Variants in NVL observed in about 807,000 individuals in gnomAD.
The protein encoded by NVL is nuclear VCP like.
NVL carries 84 observed loss-of-function variants against 110.2 expected under a neutral mutation model. The ratio of observed to expected loss-of-function variants is 0.76; its 90% CI spans 0.64 to 0.91. The LOEUF is 0.91. NVL is among the 40% of genes least tolerant of loss of function. The pLI is 0.00. For missense variants in NVL, 882 were observed against 1,035.9 expected (o/e 0.85, Z 2.04); for synonymous variants, 354 against 361.1 (o/e 0.98, Z 0.22).
chr1:224,259,822 C>CTT (rs60297397), intron 18 of NVL, among the ~76,000 whole-genome samples: 7,206 of 135,214 alleles, frequency 0.053, 613 homozygotes, highest in African/African-American at 0.18. Flanking sequence ...ACCCAGCTAA[C>CTT]TTTTTTTTTT....
intron 20 of NVL, among the ~76,000 whole-genome samples, chr1:224,235,553 C>T (rs996586427): frequency 3.9e-5 from 6 of 152,004 alleles, no homozygotes; most frequent in African/African-American, 1.5e-4. Flanking sequence ...GAGGCATTTA[C>T]ATCTGCCCCT....
At chr1:224,303,901 T>C in intron 8 of NVL, 44 bp from the exon 9 acceptor site, 2 of 1,555,494 alleles carry the variant, frequency 1.3e-6, no homozygotes, top group East Asian at 4.7e-5. Context: ...GACAGAACAA[T>C]CAAAGTAGAA....
chr1:224,299,057 G>A (rs1031186926), intron 10 of NVL, among the ~76,000 whole-genome samples: 1 of 152,212 alleles, frequency 6.6e-6, no homozygotes, highest in African/African-American at 2.4e-5. Flanking sequence ...AGGAGTGACA[G>A]TGATTATGCT....
chr1:224,290,286 A>G (rs776371968), intron 12 of NVL, among the ~76,000 whole-genome samples: 9 of 152,246 alleles, frequency 5.9e-5, no homozygotes, highest in Non-Finnish European at 1.2e-4. Flanking sequence ...CTGGACTTCT[A>G]GATAATTGTT....
At chr1:224,303,667 A>G (rs1668633338) in intron 9 of NVL, 56 bp downstream of exon 9, 3 of 1,573,854 alleles carry the variant, frequency 1.9e-6, no homozygotes, top group Admixed American at 1.8e-5. Context: ...AGAAAAAACA[A>G]AAACAAATAA....
chr1:224,227,885 G>A, intron 22 of NVL: 1 of 306,246 alleles, frequency 3.3e-6, no homozygotes, highest in Admixed American at 4.8e-5. Flanking sequence ...AAAAAGAGGG[G>A]ATTAGGGCAC....
At chr1:224,312,096 G>T (rs979361738) in intron 4 of NVL, 16 of 379,410 alleles carry the variant, frequency 4.2e-5, no homozygotes, top group Admixed American at 4.0e-4. Context: ...GTCTCCCAGG[G>T]TTATTAAAGG....
At chr1:224,313,158 C>CAAAA (rs760756328) in intron 4 of NVL, 15 of 79,154 alleles carry the variant, frequency 1.9e-4, no homozygotes, top group East Asian at 7.5e-4. Flanking sequence ...GACGCTGTCT[C>CAAAA]AAAAAAAAAA....
At chr1:224,324,626 G>T (rs1670961796) in intron 2 of NVL, among the ~76,000 whole-genome samples, 1 of 152,080 alleles carries the variant, frequency 6.6e-6, no homozygotes, top group Admixed American at 6.6e-5. Flanking sequence ...TAGAGATGGG[G>T]TCTCACTATG....
chr1:224,304,994 G>A, intron 7 of NVL, 40 bp downstream of exon 7: 8 of 1,605,674 alleles, frequency 5.0e-6, no homozygotes, highest in Non-Finnish European at 6.8e-6. Flanking sequence ...TTCTCTCACT[G>A]CAAACATGAC....
chr1:224,288,568 A>G (rs1667083770), intron 13 of NVL, among the ~76,000 whole-genome samples: 1 of 152,174 alleles, frequency 6.6e-6, no homozygotes, highest in African/African-American at 2.4e-5. Flanking sequence ...AATATTATAA[A>G]AGGAATGAGT....
At chr1:224,253,891 T>C (rs1662839687) in intron 18 of NVL, among the ~76,000 whole-genome samples, 1 of 152,178 alleles carries the variant, frequency 6.6e-6, no homozygotes, top group African/African-American at 2.4e-5. Flanking sequence ...TTAGTTATTC[T>C]AAGGTTTGTA....
At chr1:224,316,701 G>A (rs1300198857) in intron 4 of NVL, among the ~76,000 whole-genome samples, 1 of 149,824 alleles carries the variant, frequency 6.7e-6, no homozygotes, top group African/African-American at 2.5e-5. Context: ...AGTTTGCCTA[G>A]AAGCAGGGGT....
intron 2 of NVL, 119 bp from the exon 3 acceptor site, chr1:224,318,049 T>G: frequency 1.7e-6 from 1 of 601,558 alleles, no homozygotes; most frequent in Non-Finnish European, 2.8e-6. Flanking sequence ...GTATAGACAC[T>G]TGCCATAACC....
At chr1:224,258,619 A>C (rs1445451324) in intron 18 of NVL, among the ~76,000 whole-genome samples, 3 of 152,230 alleles carry the variant, frequency 2.0e-5, no homozygotes, top group Admixed American at 6.5e-5. Flanking sequence ...AGCATTATTC[A>C]TAATAGCCAA....
chr1:224,290,569 G>A (rs570717281), intron 12 of NVL, among the ~76,000 whole-genome samples: 38 of 152,190 alleles, frequency 2.5e-4, no homozygotes, highest in East Asian at 2.1e-3. Flanking sequence ...TTGGGAGGCC[G>A]AGGCAGGCAG....
chr1:224,295,794 A>G (rs1224105142), intron 11 of NVL, among the ~76,000 whole-genome samples: 1 of 151,392 alleles, frequency 6.6e-6, no homozygotes, highest in Non-Finnish European at 1.5e-5. Flanking sequence ...CCTGGCCAAC[A>G]TGGAAACACC....
At chr1:224,304,513 A>G (rs1364060669) in intron 8 of NVL, among the ~76,000 whole-genome samples, 2 of 152,182 alleles carry the variant, frequency 1.3e-5, no homozygotes, top group South Asian at 4.1e-4. Context: ...CTTATAAAGC[A>G]TGGATCTTAT....
In NVL at chr1:224,250,287, G is replaced by GC; in HGVS notation, c.2213dup (p.Arg739ProfsTer44). ...CCACAAACAGTGTTTTGTCCAGGCG[G>GC]CCCGGGCGCAGGATTGCAGGGTCAA... On this transcript the variant is annotated frameshift_variant, in exon 19 of 23. Transcript: ENST00000281701. LOFTEE classifies it high-confidence loss of function. The GC allele has an allele frequency of 6.2e-7, 1 of 1,601,072 alleles. No homozygotes were observed. Among genetic ancestry groups the GC allele is most frequent in the Non-Finnish European group, 8.5e-7 (1 of 1,175,360 alleles).
Sources: allele counts gnomAD v4.1 joint callset (sites outside exome capture counted in the v4.1 genomes callset), GRCh38; gene constraint gnomAD v4.1.1; transcripts MANE v1.5; gene names NCBI Gene and HGNC (gene_info 2026-07-23, HGNC 2026-07-21).